Variants in DNAH14 observed in about 807,000 individuals in gnomAD.
DNAH14 encodes the protein dynein axonemal heavy chain 14.
DNAH14 carries 478 observed loss-of-function variants against 520.9 expected under a neutral mutation model. The ratio of observed to expected loss-of-function variants is 0.92; its 90% CI spans 0.85 to 0.99. The LOEUF is 0.99. Among genes scored for constraint, DNAH14 ranks in the 50% least tolerant of loss-of-function variants. DNAH14 has a pLI of 0.00. For synonymous variants in DNAH14, 1,581 were observed against 1,757.2 expected, an observed-to-expected ratio of 0.90 and a Z score of 2.51; for missense variants, 4,831 against 5,234.5, an observed-to-expected ratio of 0.92 and a Z score of 2.38.
At chr1:225,213,275 T>C (rs1332956294) in intron 41 of DNAH14, among the ~76,000 whole-genome samples, 2 of 152,196 alleles carry the variant, frequency 1.3e-5, no homozygotes, top group Non-Finnish European at 2.9e-5. Flanking sequence ...TATATCTCTG[T>C]TTTGGTACCC....
rs1450731809 is a variant in DNAH14, at chr1:225,080,581, C to G, written c.2969C>G (p.Ser990Cys). The change falls in exon 19 of 86, where the codon TCT becomes TGT. Residue 990 changes from serine (S) to cysteine (C), a missense_variant. By Grantham distance (112) the Ser-to-Cys change is moderately radical. Coordinates refer to ENST00000682510, the MANE Select transcript of DNAH14 (RefSeq NM_001367479.1). ...ACACAGATTGTGCTTTCAGAGATCTCTGACATTGAAGGTGACTTGACTTTG... is the reference window on the plus strand; with the variant it reads ...ACACAGATTGTGCTTTCAGAGATCTGTGACATTGAAGGTGACTTGACTTTG... Reference protein sequence around the residue: ...EITQIVLSEISDIEGDLTLRK... With the variant: ...EITQIVLSEICDIEGDLTLRK... 8 of 1,552,050 alleles carry G rather than the reference C, an allele frequency of 5.2e-6. No individual in the cohort carries two copies. In the East Asian group the frequency reaches 2.0e-4, roughly 38 times the overall value.
chr1:225,296,012 A>G (rs2093998291), intron 55 of DNAH14, among the ~76,000 whole-genome samples: 1 of 152,046 alleles, frequency 6.6e-6, no homozygotes, highest in South Asian at 2.1e-4. Flanking sequence ...GTCTCTTTTT[A>G]CAGCTTGACT....
chr1:225,130,676 G>T (rs1452132827), intron 27 of DNAH14, among the ~76,000 whole-genome samples: 3 of 97,488 alleles, frequency 3.1e-5, no homozygotes, highest in Non-Finnish European at 5.7e-5. Flanking sequence ...GTTGTGGGGT[G>T]GGGGGAGGGG....
intron 83 of DNAH14, among the ~76,000 whole-genome samples, chr1:225,391,693 T>C (rs1187421308): frequency 1.3e-5 from 2 of 152,034 alleles, no homozygotes; most frequent in African/African-American, 4.8e-5. Context: ...GCTGGCGTCA[T>C]TCACTGAAAT....
rs2094612019 is a variant in DNAH14 at position 225,324,353 on chromosome 1, G to A, written c.9627G>A (p.Lys3209=). ...TGAATAACTACCATGAAGTACAGAA[G>A]GTATGCTTTTCCTCCTAAACATCTG... ...IALNNYHEVQ[K]VVGPKQIQVA... is the part of the protein sequence containing the mutation. The change falls in exon 63 of 86, where the codon AAG becomes AAA. Residue 3209 remains lysine, a splice_region_variant and synonymous_variant. Coordinates refer to ENST00000682510, the MANE Select transcript of DNAH14 (RefSeq NM_001367479.1). 1 of 1,551,138 alleles carries A rather than the reference G, an allele frequency of 6.4e-7. No homozygotes were observed. Among genetic ancestry groups the A allele is most frequent in the African/African-American group, 1.4e-5 (1 of 73,136 alleles).
At chr1:224,977,628 A>G (rs1289108126) in intron 8 of DNAH14, among the ~76,000 whole-genome samples, 1 of 152,206 alleles carries the variant, frequency 6.6e-6, no homozygotes, top group Non-Finnish European at 1.5e-5. Context: ...TGTATACATT[A>G]AATAGGTACA....
At chr1:224,967,304 GTATTCT>G in intron 5 of DNAH14, 121 bp from the exon 6 acceptor site, 1 of 517,000 alleles carries the variant, frequency 1.9e-6, no homozygotes. Flanking sequence ...TCCAAATATA[GTATTCT>G]TATTTTTAAT....
chr1:225,151,336 TG>T lies in DNAH14; in HGVS notation c.4941-662del, dbSNP rs143201068. Reference sequence around the variant, plus strand: ...ATAAATCTGTGGATATAGTTGGGGGTGGGGGGGTCACAGTAACATTTCACTG... The same window carrying T: ...ATAAATCTGTGGATATAGTTGGGGGTGGGGGGTCACAGTAACATTTCACTG... On this transcript the variant is annotated intron_variant, in intron 31 of 85. Transcript: ENST00000682510. Among the ~76,000 whole-genome samples the T allele has an allele frequency of 4.5e-3, 685 of 151,512 alleles. 3 individuals carry two copies. Among genetic ancestry groups the T allele is most frequent in the Non-Finnish European group, 7.2e-3 (487 of 67,810 alleles).
At chr1:225,030,448 A>G (rs186994731) in intron 11 of DNAH14, among the ~76,000 whole-genome samples, 1 of 151,964 alleles carries the variant, frequency 6.6e-6, no homozygotes, top group Non-Finnish European at 1.5e-5. Context: ...GATCTAAAGC[A>G]TTGTTTCCTA....
At chr1:225,298,066 C>T (rs192252346) in intron 55 of DNAH14, among the ~76,000 whole-genome samples, 119 of 152,280 alleles carry the variant, frequency 7.8e-4, no homozygotes, top group Admixed American at 1.8e-3. Flanking sequence ...GGCTATTTCT[C>T]AAGCCTGAGA....
intron 11 of DNAH14, among the ~76,000 whole-genome samples, chr1:225,031,815 A>C (rs1398529535): frequency 6.6e-6 from 1 of 152,084 alleles, no homozygotes; most frequent in East Asian, 1.9e-4. Flanking sequence ...TTGAATGGTC[A>C]ATATCCATTT....
Position 225,380,232 on chromosome 1 carries a change from G to C in DNAH14, c.12790G>C (p.Glu4264Gln). The part of the protein sequence containing the change: ...DLLKRLPLTV[E>Q]KEEIAVGTPS... ...GCTAAAGCGGCTGCCACTGACAGTG[G>C]AGAAAGAAGAAATTGCTGTTGGAAC... The change falls in exon 80 of 86, where the codon GAG (glutamate) becomes CAG (glutamine). Residue 4264 changes from glutamate (E) to glutamine (Q), a missense_variant. Transcript: ENST00000682510. 6.4e-7 allele frequency: 1 copy of C among 1,551,672 alleles called. No individual in the cohort carries two copies. Among genetic ancestry groups the C allele is most frequent in the Non-Finnish European group, 8.7e-7 (1 of 1,147,000 alleles).
chr1:225,103,828 A>G (rs1401020390), intron 23 of DNAH14, among the ~76,000 whole-genome samples: 1 of 152,162 alleles, frequency 6.6e-6, no homozygotes, highest in African/African-American at 2.4e-5. Context: ...CAATCATGTC[A>G]TCTGCAAACA....
chr1:225,149,210 T>C (rs2080243232), intron 31 of DNAH14, among the ~76,000 whole-genome samples: 1 of 152,184 alleles, frequency 6.6e-6, no homozygotes, highest in Non-Finnish European at 1.5e-5. Context: ...GAGTTTGTCA[T>C]GTTTGTCAAA....
chr1:225,183,277 T>A (rs905442989), intron 36 of DNAH14, among the ~76,000 whole-genome samples: 2 of 152,196 alleles, frequency 1.3e-5, no homozygotes, highest in African/African-American at 4.8e-5. Context: ...ACTGGCTAAC[T>A]AAAGTGGCCT....
At chr1:225,123,776 C>CT (rs1307081659) in intron 27 of DNAH14, among the ~76,000 whole-genome samples, 162 bp downstream of exon 27, 22 of 149,618 alleles carry the variant, frequency 1.5e-4, no homozygotes, top group Admixed American at 8.7e-4. Flanking sequence ...ATCCTGTAGT[C>CT]TTTTTTTTTT....
intron 60 of DNAH14, among the ~76,000 whole-genome samples, chr1:225,317,897 G>A (rs574369913): frequency 6.6e-5 from 10 of 152,114 alleles, no homozygotes; most frequent in South Asian, 4.2e-4. Flanking sequence ...TCACCCCACC[G>A]GGAAAGTTAG....
At chr1:225,051,825 A>C (rs1253877475) in intron 17 of DNAH14, 30 bp downstream of exon 17, 2 of 1,384,516 alleles carry the variant, frequency 1.4e-6, no homozygotes, top group Admixed American at 5.8e-5. Context: ...TTATTGTGTA[A>C]GAATGTTTCA....
In DNAH14 at chr1:225,346,149, A is replaced by T. The variant is rs1558476466; in HGVS notation, c.10866A>T (p.Gln3622His). The T allele has an allele frequency of 7.7e-6, 12 of 1,551,662 alleles. No homozygotes were observed. Among genetic ancestry groups the T allele is most frequent in the Non-Finnish European group, 1.0e-5 (12 of 1,146,976 alleles). The change falls in exon 70 of 86, where the codon CAA becomes CAT. Residue 3622 changes from glutamine to histidine, a missense_variant. Transcript: ENST00000682510. ...ACTTCCTAGTAGCTGATCTCACACA[A>T]ATCAACTACATGTACCAGTTCTCCC... ...LLYFLVADLT[Q>H]INYMYQFSLD...
Sources: allele counts gnomAD v4.1 joint callset (sites outside exome capture counted in the v4.1 genomes callset), GRCh38; gene constraint gnomAD v4.1.1; transcripts MANE v1.5; gene names NCBI Gene and HGNC (gene_info 2026-07-23, HGNC 2026-07-21).